MMP16: variants seen among roughly 807,000 people sequenced by gnomAD.
MMP16 encodes matrix metalloproteinase-16.
Under a neutral mutation model 67.8 loss-of-function variants are expected in MMP16, and 12 were observed. The observed-to-expected ratio is 0.18, with a 90% CI of 0.11 to 0.29. MMP16 has a LOEUF of 0.29. Among genes scored for constraint, MMP16 ranks in the 10% least tolerant of loss-of-function variants. The pLI is 1.00. For missense variants in MMP16, 475 were observed against 765.7 expected (o/e 0.62, Z 4.48); for synonymous variants, 249 against 255.9 (o/e 0.97, Z 0.26).
chr8:88,069,382 T>C (rs1462531670), intron 7 of MMP16: 1 of 484,512 alleles, frequency 2.1e-6, no homozygotes, highest in East Asian at 6.2e-5. Flanking sequence ...TAGTATGTGA[T>C]GGAAGATAAT....
At chr8:88,205,590 G>A (rs1052887505) in intron 1 of MMP16, among the ~76,000 whole-genome samples, 3 of 152,144 alleles carry the variant, frequency 2.0e-5, no homozygotes, top group Admixed American at 2.0e-4. Context: ...CTATGCTAGA[G>A]TATTTCACTT....
chr8:88,171,322 C>T (rs1163514194), intron 3 of MMP16, among the ~76,000 whole-genome samples: 4 of 152,094 alleles, frequency 2.6e-5, no homozygotes, highest in African/African-American at 9.7e-5. Context: ...CCTGCACATG[C>T]ACCCCTGAAC....
intron 4 of MMP16, among the ~76,000 whole-genome samples, chr8:88,135,051 T>G (rs935031456): frequency 1.3e-5 from 2 of 151,760 alleles, no homozygotes; most frequent in Admixed American, 1.3e-4. Flanking sequence ...CATTGAATTT[T>G]TATATGATTC....
chr8:88,091,306 C>G (rs1808931771), intron 6 of MMP16, among the ~76,000 whole-genome samples: 1 of 151,680 alleles, frequency 6.6e-6, no homozygotes, highest in Non-Finnish European at 1.5e-5. Flanking sequence ...TTTTTTCTTC[C>G]TTAGTCAGAT....
intron 1 of MMP16, among the ~76,000 whole-genome samples, chr8:88,242,394 C>T (rs28904605): frequency 6.6e-6 from 1 of 152,306 alleles, no homozygotes; most frequent in Non-Finnish European, 1.5e-5. Context: ...TCAACGACAT[C>T]CTTTCAAGAC....
chr8:88,311,731 C>T (rs1417476447), intron 1 of MMP16, among the ~76,000 whole-genome samples: 1 of 151,798 alleles, frequency 6.6e-6, no homozygotes, highest in African/African-American at 2.4e-5. Flanking sequence ...AGTGGACAGC[C>T]ATCTTTAATG....
At chr8:88,085,459 C>T (rs890406741) in intron 6 of MMP16, among the ~76,000 whole-genome samples, 1 of 151,990 alleles carries the variant, frequency 6.6e-6, no homozygotes, top group African/African-American at 2.4e-5. Flanking sequence ...GTTTTCAGGG[C>T]TCATCACTTA....
chr8:88,302,274 G>T (rs1414540111), intron 1 of MMP16, among the ~76,000 whole-genome samples: 1 of 152,182 alleles, frequency 6.6e-6, no homozygotes, highest in Non-Finnish European at 1.5e-5. Flanking sequence ...GGAAGAAGTT[G>T]CCAGAGGGAG....
intron 8 of MMP16, among the ~76,000 whole-genome samples, chr8:88,055,712 C>T (rs1487322242): frequency 6.6e-6 from 1 of 152,134 alleles, no homozygotes; most frequent in Non-Finnish European, 1.5e-5. Context: ...TGGAAGTCTT[C>T]ACAATTTATT....
At position 88,265,223 on chromosome 8, in the gene MMP16, C is replaced by CTTTTTTTTTTTTT. The variant is rs398008661; in HGVS notation, c.132+61839_132+61851dup. On this transcript the variant is annotated intron_variant, in intron 1 of 9. Coordinates refer to ENST00000286614, the MANE Select transcript of MMP16 (RefSeq NM_005941.5). ...AACTAAGGGTAGAAATGACCATTTCCTTTTTTTTTTTTTTTTTTTTCAGAT... is the reference window on the plus strand; with the variant it reads ...AACTAAGGGTAGAAATGACCATTTCCTTTTTTTTTTTTTTTTTTTTTTTTTTTTTTTTTCAGAT... Among the ~76,000 whole-genome samples the CTTTTTTTTTTTTT allele has an allele frequency of 2.5e-4, 25 of 100,758 alleles. 4 individuals are homozygous for CTTTTTTTTTTTTT. The highest frequency in any genetic ancestry group is 5.6e-4 in the African/African-American group (14 of 24,898). The allele number at this position is 100,758 out of a possible 152,430, so 66.1% of individuals were successfully genotyped here.
intron 6 of MMP16, among the ~76,000 whole-genome samples, chr8:88,109,746 T>C (rs1306085509): frequency 6.6e-6 from 1 of 151,336 alleles, no homozygotes; most frequent in Non-Finnish European, 1.5e-5. Context: ...GAATTGTGAA[T>C]ATAAGCACTT....
At chr8:88,292,677 GT>G (rs1377138139) in intron 1 of MMP16, among the ~76,000 whole-genome samples, 2 of 152,074 alleles carry the variant, frequency 1.3e-5, no homozygotes, top group African/African-American at 2.4e-5. Flanking sequence ...TAATTAAACA[GT>G]TTTTTCACTC....
At chr8:88,107,459 AT>A (rs1358911988) in intron 6 of MMP16, among the ~76,000 whole-genome samples, 2 of 150,906 alleles carry the variant, frequency 1.3e-5, no homozygotes, top group East Asian at 3.9e-4. Context: ...TTACTTCTCT[AT>A]TTTTATGCTT....
chr8:88,245,903 A>G (rs368365368), intron 1 of MMP16, among the ~76,000 whole-genome samples: 1 of 152,214 alleles, frequency 6.6e-6, no homozygotes. Flanking sequence ...CTAGGGCTTT[A>G]TTAAATCAAT....
At chr8:88,074,138 A>C (rs1173155689) in intron 7 of MMP16, among the ~76,000 whole-genome samples, 1 of 152,202 alleles carries the variant, frequency 6.6e-6, no homozygotes, top group Non-Finnish European at 1.5e-5. Context: ...GATACTGATA[A>C]TTGGATAATT....
chr8:88,306,109 C>T (rs1811208247), intron 1 of MMP16, among the ~76,000 whole-genome samples: 1 of 151,552 alleles, frequency 6.6e-6, no homozygotes, highest in Non-Finnish European at 1.5e-5. Context: ...GGGGATGTCA[C>T]CATTGACCCC....
chr8:88,194,224 A>G (rs1269866036), intron 2 of MMP16, among the ~76,000 whole-genome samples: 9 of 152,078 alleles, frequency 5.9e-5, no homozygotes, highest in Non-Finnish European at 4.4e-5. Flanking sequence ...TCTATCTGCC[A>G]AAAAAGGATA....
chr8:88,240,635 C>A (rs1054702972), intron 1 of MMP16, among the ~76,000 whole-genome samples: 18 of 152,110 alleles, frequency 1.2e-4, no homozygotes, highest in Non-Finnish European at 2.2e-4. Flanking sequence ...GGATAATGGA[C>A]TGAGAGGAGA....
intron 6 of MMP16, among the ~76,000 whole-genome samples, chr8:88,085,341 C>T (rs921646007): frequency 2.0e-5 from 3 of 152,036 alleles, no homozygotes; most frequent in Non-Finnish European, 4.4e-5. Flanking sequence ...CTGACACAAG[C>T]TGGTTTTTGG....
Sources: gnomAD v4.1 joint callset for allele counts (sites outside exome capture counted in the v4.1 genomes callset) on GRCh38, gnomAD v4.1.1 for gene constraint, MANE v1.5 for transcripts, NCBI Gene and HGNC (gene_info 2026-07-23, HGNC 2026-07-21) for gene names.